The following IPO11 variants were observed in gnomAD, a reference collection of about 807,000 sequenced individuals.
IPO11 encodes importin 11, also known as importin-11.
IPO11 carries 66 observed loss-of-function variants against 143.2 expected under a neutral mutation model. The observed-to-expected ratio is 0.46, with a 90% CI of 0.38 to 0.57. The LOEUF (loss-of-function observed/expected upper bound fraction) is 0.57. Ranked by LOEUF, IPO11 falls within the 20% of genes least tolerant of loss-of-function variation. The pLI is 0.00. For synonymous variants in IPO11, 385 were observed against 377.8 expected (o/e 1.02, Z -0.22); for missense variants, 1,026 against 1,141.0 (o/e 0.90, Z 1.45).
At chr5:62,610,709 C>T (rs1457382281) in intron 29 of IPO11, among the ~76,000 whole-genome samples, 1 of 152,152 alleles carries the variant, frequency 6.6e-6, no homozygotes, top group South Asian at 2.1e-4. Context: ...TACCTGCTAC[C>T]ATTGCACAAC....
At chr5:62,592,179 A>G (rs901039067) in intron 28 of IPO11, among the ~76,000 whole-genome samples, 1 of 152,136 alleles carries the variant, frequency 6.6e-6, no homozygotes, top group Non-Finnish European at 1.5e-5. Context: ...TACAGCGACA[A>G]CCTGAATTGA....
chr5:62,440,757 G>A (rs967166042), intron 2 of IPO11, among the ~76,000 whole-genome samples: 6 of 151,970 alleles, frequency 3.9e-5, no homozygotes, highest in Admixed American at 1.3e-4. Flanking sequence ...GAGGTCAGGC[G>A]TTCAAGACCC....
intron 1 of IPO11, among the ~76,000 whole-genome samples, chr5:62,424,964 A>T (rs1478995433): frequency 1.3e-5 from 2 of 152,226 alleles, no homozygotes; most frequent in African/African-American, 2.4e-5. Flanking sequence ...TTCTTTTGGT[A>T]GAGTGATGCA....
chr5:62,418,749 C>T (rs1013125007), intron 1 of IPO11: 2 of 279,254 alleles, frequency 7.2e-6, no homozygotes, highest in Admixed American at 4.9e-5. Flanking sequence ...GGATAAGATA[C>T]ATTTTATACA....
intron 2 of IPO11, among the ~76,000 whole-genome samples, chr5:62,437,862 G>A (rs1442083151): frequency 6.6e-6 from 1 of 152,130 alleles, no homozygotes; most frequent in Non-Finnish European, 1.5e-5. Context: ...TCTTGACACA[G>A]CTGATGTTTT....
intron 1 of IPO11, among the ~76,000 whole-genome samples, chr5:62,416,208 G>T (rs1288661204): frequency 7.3e-6 from 1 of 137,356 alleles, no homozygotes; most frequent in Admixed American, 7.9e-5. Context: ...TTGAGACGGA[G>T]CCTCGCTCTT....
intron 28 of IPO11, among the ~76,000 whole-genome samples, chr5:62,592,791 G>A (rs1053503802): frequency 2.0e-5 from 3 of 152,058 alleles, no homozygotes; most frequent in African/African-American, 4.8e-5. Context: ...ATCTGATCTC[G>A]TGGGAGCTCA....
chr5:62,490,519 T>C (rs1014466735), intron 15 of IPO11, among the ~76,000 whole-genome samples: 1 of 152,102 alleles, frequency 6.6e-6, no homozygotes, highest in East Asian at 1.9e-4. Flanking sequence ...ATGCCTAGTG[T>C]CAGAAGTAGC....
At chr5:62,540,385 A>G (rs1742889363) in intron 24 of IPO11, among the ~76,000 whole-genome samples, 1 of 152,230 alleles carries the variant, frequency 6.6e-6, no homozygotes, top group Non-Finnish European at 1.5e-5. Context: ...AGTGATTAAG[A>G]AAAGAGGTGA....
intron 26 of IPO11, chr5:62,560,886 T>C (rs1743746430): frequency 7.5e-6 from 2 of 264,902 alleles, no homozygotes; most frequent in Admixed American, 1.1e-4. Flanking sequence ...ACTACTAAAA[T>C]CACTCATGGG....
At chr5:62,452,527 A>G (rs1561316826) in intron 5 of IPO11, among the ~76,000 whole-genome samples, 1 of 151,006 alleles carries the variant, frequency 6.6e-6, no homozygotes, top group Non-Finnish European at 1.5e-5. Context: ...GTGGGCATAG[A>G]GTTGACATTT....
intron 9 of IPO11, among the ~76,000 whole-genome samples, chr5:62,479,211 T>C (rs1369870911): frequency 1.3e-5 from 2 of 152,182 alleles, no homozygotes; most frequent in Non-Finnish European, 2.9e-5. Context: ...CTTGCGATAG[T>C]ATGCTCAGAA....
chr5:62,586,091 A>G (rs1454092081), intron 27 of IPO11, among the ~76,000 whole-genome samples: 1 of 152,156 alleles, frequency 6.6e-6, no homozygotes, highest in Non-Finnish European at 1.5e-5. Flanking sequence ...AATGAGAAAG[A>G]TGCCAGTGTA....
intron 1 of IPO11, among the ~76,000 whole-genome samples, chr5:62,430,386 T>TA (rs1430552440): frequency 6.6e-6 from 1 of 152,176 alleles, no homozygotes; most frequent in African/African-American, 2.4e-5. Flanking sequence ...TTTTTGATTA[T>TA]AGCAGTAGTA....
rs138183413 is a variant in IPO11, at chr5:62,441,995, G to T, written c.139-988G>T. 7.3e-3 allele frequency among the ~76,000 whole-genome samples: 1,095 copies of T among 150,486 alleles called. 13 individuals are homozygous for T. The highest frequency in any genetic ancestry group is 0.025 in the African/African-American group (1,031 of 40,824). On this transcript the variant is annotated intron_variant, in intron 2 of 29. Transcript: ENST00000325324. ...CGAGTAGCTGGTATTACAGGCATGC[G>T]CCACCATGCCCAGCTAATTTTTGTA...
chr5:62,437,547 A>G lies in IPO11; in HGVS notation c.138+130A>G, dbSNP rs1744284887. ...ATGTTTGGCTGCTGATGCCTTTGCCATTATCTTATTACTTTATGACTTCTT... is the reference window on the plus strand; with the variant it reads ...ATGTTTGGCTGCTGATGCCTTTGCCGTTATCTTATTACTTTATGACTTCTT... On this transcript the variant is annotated intron_variant, in intron 2 of 29. Coordinates refer to ENST00000325324, the MANE Select transcript of IPO11 (RefSeq NM_016338.5). 3 of 651,360 alleles carry G rather than the reference A, an allele frequency of 4.6e-6. No homozygotes were observed. In the South Asian group the frequency reaches 7.1e-5, roughly 15 times the overall value. The allele number at this position is 651,360 out of a possible 1,614,324, so 40.3% of individuals were successfully genotyped here.
intron 19 of IPO11, 72 bp from the exon 20 acceptor site, chr5:62,515,316 C>T (rs564974086): frequency 2.8e-4 from 255 of 918,594 alleles, no homozygotes; most frequent in East Asian, 2.5e-3. Context: ...ATAGTGCTCT[C>T]ATTGTTTTTC....
intron 21 of IPO11, among the ~76,000 whole-genome samples, chr5:62,528,734 G>A (rs1240442278): frequency 6.6e-6 from 1 of 152,152 alleles, no homozygotes; most frequent in Non-Finnish European, 1.5e-5. Flanking sequence ...TTAGTGGGGA[G>A]TAATGGGCTG....
At chr5:62,583,805 T>A (rs935445405) in intron 27 of IPO11, among the ~76,000 whole-genome samples, 1 of 152,190 alleles carries the variant, frequency 6.6e-6, no homozygotes, top group African/African-American at 2.4e-5. Flanking sequence ...TGAGCAGCCC[T>A]AAGTTAAAAC....
Sources: gnomAD v4.1 joint callset for allele counts (sites outside exome capture counted in the v4.1 genomes callset) on GRCh38, gnomAD v4.1.1 for gene constraint, MANE v1.5 for transcripts, NCBI Gene and HGNC (gene_info 2026-07-23, HGNC 2026-07-21) for gene names.